The following SHB variants were observed in gnomAD, a reference collection of about 807,000 sequenced individuals.
SHB encodes SH2 domain containing adaptor protein B, also known as SH2 domain-containing adapter protein B.
SHB carries 20 observed loss-of-function variants against 52.3 expected under a neutral mutation model. The ratio of observed to expected loss-of-function variants is 0.38; its 90% CI spans 0.27 to 0.56. SHB has a LOEUF of 0.56. Among genes scored for constraint, SHB ranks in the 20% least tolerant of loss-of-function variants. The pLI is 0.71. For synonymous variants in SHB, 397 were observed against 316.5 expected (o/e 1.25, Z -2.70); for missense variants, 825 against 723.3 (o/e 1.14, Z -1.61).
At chr9:37,939,806 A>T (rs563337310) in intron 5 of SHB, among the ~76,000 whole-genome samples, 1 of 152,296 alleles carries the variant, frequency 6.6e-6, no homozygotes, top group Non-Finnish European at 1.5e-5. Context: ...CAGTTTCTTT[A>T]TCTGTAAAAA....
intron 1 of SHB, among the ~76,000 whole-genome samples, chr9:38,050,947 T>A (rs1821730500): frequency 6.6e-6 from 1 of 152,166 alleles, no homozygotes. Flanking sequence ...CTGACTACAA[T>A]CTTTTACTAC....
intron 3 of SHB, among the ~76,000 whole-genome samples, chr9:37,972,329 T>C (rs1162831738): frequency 6.6e-6 from 1 of 152,136 alleles, no homozygotes; most frequent in Non-Finnish European, 1.5e-5. Context: ...GGGACAGACC[T>C]TGGGTTCCTT....
chr9:37,983,959 G>A (rs1006885411), intron 2 of SHB, among the ~76,000 whole-genome samples: 1 of 152,214 alleles, frequency 6.6e-6, no homozygotes, highest in Non-Finnish European at 1.5e-5. Context: ...TGAAAACACC[G>A]ATCCCACTAG....
intron 1 of SHB, among the ~76,000 whole-genome samples, chr9:38,044,711 C>G (rs1821627224): frequency 6.6e-6 from 1 of 152,152 alleles, no homozygotes; most frequent in Non-Finnish European, 1.5e-5. Context: ...AGGTTTTTTC[C>G]CTTGTTGGAG....
chr9:37,923,528 A>G (rs565502652), intron 5 of SHB, among the ~76,000 whole-genome samples: 7 of 152,334 alleles, frequency 4.6e-5, no homozygotes, highest in African/African-American at 1.7e-4. Flanking sequence ...GTCCACACAC[A>G]GCCAGGAGAC....
intron 3 of SHB, among the ~76,000 whole-genome samples, chr9:37,964,009 C>G (rs572549100): frequency 5.3e-5 from 8 of 152,320 alleles, no homozygotes; most frequent in African/African-American, 1.4e-4. Context: ...CCCTTCTTCC[C>G]TCTAGTTCAA....
chr9:37,980,571 A>T (rs907709771), intron 2 of SHB, among the ~76,000 whole-genome samples: 8 of 152,216 alleles, frequency 5.3e-5, no homozygotes, highest in Non-Finnish European at 1.2e-4. Context: ...AACTCCTGTT[A>T]ATGTGGCTAT....
At chr9:37,992,401 C>CA (rs1011525617) in intron 2 of SHB, among the ~76,000 whole-genome samples, 1 of 151,738 alleles carries the variant, frequency 6.6e-6, no homozygotes, top group African/African-American at 2.4e-5. Context: ...AATTCCATCT[C>CA]AAAAAAATAA....
intron 1 of SHB, among the ~76,000 whole-genome samples, chr9:38,024,655 G>A (rs1821319808): frequency 6.6e-6 from 1 of 152,198 alleles, no homozygotes; most frequent in African/African-American, 2.4e-5. Context: ...GTTTACCCCA[G>A]AACCTCAAGT....
At chr9:37,920,128 C>A in intron 5 of SHB, 124 bp from the exon 6 acceptor site, 1 of 741,938 alleles carries the variant, frequency 1.3e-6, no homozygotes, top group Non-Finnish European at 2.3e-6. Flanking sequence ...CTGCACCTCT[C>A]CAAGCCAGGA....
intron 5 of SHB, among the ~76,000 whole-genome samples, chr9:37,935,413 C>T (rs553853942): frequency 1.1e-4 from 16 of 152,146 alleles, no homozygotes; most frequent in Non-Finnish European, 2.1e-4. Context: ...GACGGGCACA[C>T]GGCTTGCTCT....
chr9:37,982,537 A>C (rs1820746319), intron 2 of SHB, among the ~76,000 whole-genome samples: 2 of 152,090 alleles, frequency 1.3e-5, no homozygotes, highest in African/African-American at 4.8e-5. Context: ...TCACACCTGT[A>C]ATCCCACCAC....
At chr9:38,063,735 CACTT>C (rs1234045443) in intron 1 of SHB, among the ~76,000 whole-genome samples, 7 of 151,992 alleles carry the variant, frequency 4.6e-5, no homozygotes, top group Non-Finnish European at 8.8e-5. Context: ...AGTTAGCCAC[CACTT>C]ACTTCTCTCT....
chr9:37,989,830 G>T (rs567292188), intron 2 of SHB, among the ~76,000 whole-genome samples: 2 of 152,318 alleles, frequency 1.3e-5, no homozygotes, highest in Non-Finnish European at 2.9e-5. Flanking sequence ...GAAAAGGTGT[G>T]TGTGGGATGC....
chr9:38,019,567 A>G (rs1449539692), intron 1 of SHB, among the ~76,000 whole-genome samples: 3 of 152,268 alleles, frequency 2.0e-5, no homozygotes, highest in East Asian at 1.9e-4. Context: ...TGGACTGGTC[A>G]GAGTTTTAGT....
chr9:37,973,598 T>C (rs1445841521), intron 3 of SHB, among the ~76,000 whole-genome samples: 1 of 152,246 alleles, frequency 6.6e-6, no homozygotes, highest in African/African-American at 2.4e-5. Context: ...AGCTTAGATT[T>C]ATGACTTATG....
intron 2 of SHB, among the ~76,000 whole-genome samples, chr9:37,999,153 G>A (rs1375290066): frequency 6.6e-6 from 1 of 152,226 alleles, no homozygotes; most frequent in East Asian, 1.9e-4. Flanking sequence ...GGCCTGGAAA[G>A]TCTGGGCTCA....
chr9:38,037,729 C>T (rs967380885), intron 1 of SHB, among the ~76,000 whole-genome samples: 1 of 152,144 alleles, frequency 6.6e-6, no homozygotes. Context: ...TCCTCTGAGC[C>T]CTGAAGTTCT....
chr9:37,965,436 G>A (rs567267135), intron 3 of SHB, among the ~76,000 whole-genome samples: 1 of 152,338 alleles, frequency 6.6e-6, no homozygotes, highest in Admixed American at 6.5e-5. Flanking sequence ...CTCACCTAGT[G>A]AGGAGACAGG....
Sources: gnomAD v4.1 joint callset for allele counts (sites outside exome capture counted in the v4.1 genomes callset) on GRCh38, gnomAD v4.1.1 for gene constraint, MANE v1.5 for transcripts, NCBI Gene and HGNC (gene_info 2026-07-23, HGNC 2026-07-21) for gene names.